The following USP25 variants were observed in gnomAD, a reference collection of about 807,000 sequenced individuals.
USP25 encodes ubiquitin carboxyl-terminal hydrolase 25.
A neutral mutation model predicts 158.5 loss-of-function variants in USP25; 85 were observed. The ratio of observed to expected loss-of-function variants is 0.54; its 90% CI spans 0.45 to 0.64. USP25 has a LOEUF of 0.64. Ranked by LOEUF, USP25 falls within the 30% of genes least tolerant of loss-of-function variation. USP25 has a pLI of 0.00. For synonymous variants in USP25, 464 were observed against 460.4 expected (o/e 1.01, Z -0.10); for missense variants, 1,242 against 1,327.3 (o/e 0.94, Z 1.00).
chr21:15,837,782 C>G (rs978973984), intron 17 of USP25, among the ~76,000 whole-genome samples: 3 of 152,092 alleles, frequency 2.0e-5, no homozygotes, highest in Admixed American at 1.3e-4. Context: ...CTAGAGGAAG[C>G]AGGCAGAGTT....
intron 1 of USP25, among the ~76,000 whole-genome samples, chr21:15,751,901 TAATA>T (rs749199368): frequency 1.3e-5 from 2 of 152,182 alleles, no homozygotes; most frequent in Non-Finnish European, 2.9e-5. Flanking sequence ...ATCTACTAAT[TAATA>T]GGGATGGGGA....
intron 4 of USP25, among the ~76,000 whole-genome samples, chr21:15,778,996 A>G (rs1827676777): frequency 6.6e-6 from 1 of 152,136 alleles, no homozygotes; most frequent in Admixed American, 6.5e-5. Flanking sequence ...TTCTTTCCAA[A>G]TAATCAGAGA....
At chr21:15,869,453 A>C (rs2039795094) in intron 22 of USP25, among the ~76,000 whole-genome samples, 2 of 151,958 alleles carry the variant, frequency 1.3e-5, no homozygotes, top group South Asian at 4.2e-4. Flanking sequence ...CTTTGGTATC[A>C]CCTTAGAATT....
chr21:15,767,500 G>C (rs918431118), intron 3 of USP25, among the ~76,000 whole-genome samples: 1 of 152,006 alleles, frequency 6.6e-6, no homozygotes, highest in East Asian at 1.9e-4. Flanking sequence ...TGTTCACTGA[G>C]TTATGTTTGA....
chr21:15,762,253 A>G (rs2033773967), intron 1 of USP25, among the ~76,000 whole-genome samples: 1 of 152,038 alleles, frequency 6.6e-6, no homozygotes, highest in Non-Finnish European at 1.5e-5. Context: ...ACAGAGATGT[A>G]AGGAGGAAGT....
chr21:15,878,160 A>G, intron 25 of USP25, 143 bp from the exon 26 acceptor site: 1 of 1,149,272 alleles, frequency 8.7e-7, no homozygotes, highest in Non-Finnish European at 1.2e-6. Flanking sequence ...AGCTGTGTGC[A>G]TTGCAGTTGC....
chr21:15,801,718 C>T (rs112305769), intron 6 of USP25, among the ~76,000 whole-genome samples: 3 of 151,662 alleles, frequency 2.0e-5, no homozygotes, highest in African/African-American at 7.2e-5. Flanking sequence ...AATTTGAACA[C>T]TTTGTCTTAA....
chr21:15,794,641 A>C (rs2035768174), intron 5 of USP25, among the ~76,000 whole-genome samples: 1 of 151,454 alleles, frequency 6.6e-6, no homozygotes, highest in Non-Finnish European at 1.5e-5. Context: ...TGCTTGTCAT[A>C]GTCCCTTTTA....
chr21:15,828,042 A>C (rs1484469335), intron 14 of USP25, among the ~76,000 whole-genome samples: 1 of 152,068 alleles, frequency 6.6e-6, no homozygotes, highest in East Asian at 1.9e-4. Flanking sequence ...ATTTTTGAAA[A>C]AAATGAACTA....
chr21:15,777,864 T>C (rs766865632), intron 3 of USP25, 40 bp from the exon 4 acceptor site: 1 of 1,550,484 alleles, frequency 6.4e-7, no homozygotes, highest in South Asian at 1.2e-5. Context: ...TTTCATTTTG[T>C]TTTACTTTTA....
intron 4 of USP25, among the ~76,000 whole-genome samples, chr21:15,788,103 T>C (rs1740965128): frequency 1.3e-5 from 2 of 151,684 alleles, no homozygotes; most frequent in Admixed American, 1.3e-4. Flanking sequence ...TCAGACTCGT[T>C]TTTGGTATGT....
At chr21:15,832,300 T>C (rs2037842449) in intron 16 of USP25, among the ~76,000 whole-genome samples, 1 of 152,230 alleles carries the variant, frequency 6.6e-6, no homozygotes. Context: ...GATCATGTCA[T>C]ACTATGTCTG....
At chr21:15,747,505 A>G (rs976486523) in intron 1 of USP25, among the ~76,000 whole-genome samples, 3 of 152,028 alleles carry the variant, frequency 2.0e-5, no homozygotes, top group Admixed American at 6.5e-5. Flanking sequence ...TATATATAGT[A>G]TCTACCTGTG....
chr21:15,852,896 A>T (rs2146498178), intron 20 of USP25, among the ~76,000 whole-genome samples: 1 of 152,302 alleles, frequency 6.6e-6, no homozygotes, highest in Non-Finnish European at 1.5e-5. Context: ...AGTTGTTTCT[A>T]ATTAATGCAT....
At chr21:15,814,189 C>A (rs955222176) in intron 9 of USP25, among the ~76,000 whole-genome samples, 72 of 150,442 alleles carry the variant, frequency 4.8e-4, no homozygotes, top group East Asian at 4.1e-4. Context: ...CTCATTTCCT[C>A]TTGCTGCTGC....
intron 1 of USP25, among the ~76,000 whole-genome samples, chr21:15,748,453 A>ATTTTTT (rs2032734796): frequency 1.2e-5 from 1 of 81,072 alleles, no homozygotes; most frequent in African/African-American, 5.0e-5. Context: ...GCTACTTTTT[A>ATTTTTT]GTTTTTTTTT....
intron 4 of USP25, among the ~76,000 whole-genome samples, chr21:15,785,880 A>G (rs2035241308): frequency 6.6e-6 from 1 of 150,712 alleles, no homozygotes; most frequent in African/African-American, 2.4e-5. Flanking sequence ...TGAGAAGATA[A>G]ACAGAATCAA....
chr21:15,734,146 G>C (rs981357242), intron 1 of USP25, among the ~76,000 whole-genome samples: 1 of 152,134 alleles, frequency 6.6e-6, no homozygotes, highest in African/African-American at 2.4e-5. Context: ...GGAAGCAGAG[G>C]AATCTAACAG....
intron 23 of USP25, among the ~76,000 whole-genome samples, chr21:15,872,582 C>T (rs879080331): frequency 1.3e-5 from 2 of 152,140 alleles, no homozygotes; most frequent in African/African-American, 2.4e-5. Flanking sequence ...TCACTTCCTT[C>T]GTTTTTCATA....
Sources: gnomAD v4.1 joint callset for allele counts (sites outside exome capture counted in the v4.1 genomes callset) on GRCh38, gnomAD v4.1.1 for gene constraint, MANE v1.5 for transcripts, NCBI Gene and HGNC (gene_info 2026-07-23, HGNC 2026-07-21) for gene names.